Variants in SLC35B3 observed in about 807,000 individuals in gnomAD.
SLC35B3 encodes the protein adenosine 3'-phospho 5'-phosphosulfate transporter 2.
Under a neutral mutation model 44.1 loss-of-function variants are expected in SLC35B3, and 35 were observed. The ratio of observed to expected loss-of-function variants is 0.79; its 90% CI spans 0.61 to 1.05. The LOEUF (loss-of-function observed/expected upper bound fraction) is 1.05. Among genes scored for constraint, SLC35B3 ranks in the 50% least tolerant of loss-of-function variants. The probability of loss-of-function intolerance (pLI) is 0.00; values close to 1 mark genes in which losing one functional copy is unlikely to be tolerated. For missense variants in SLC35B3, 414 were observed against 476.4 expected (o/e 0.87, Z 1.22); for synonymous variants, 146 against 167.3 (o/e 0.87, Z 0.98).
Position 8,434,293 on chromosome 6 carries a change from GAA to G in SLC35B3, c.3+90_3+91del. 1 of 1,236,790 alleles carries G rather than the reference GAA, an allele frequency of 8.1e-7. No homozygotes were observed. The highest frequency in any genetic ancestry group is 1.9e-5 in the Admixed American group (1 of 53,598). The allele number at this position is 1,236,790 out of a possible 1,614,324, so 76.6% of individuals were successfully genotyped here. A position where few individuals can be genotyped will look rare whatever the true frequency, so the allele number is the denominator to read the frequency against. On this transcript the variant is annotated intron_variant, in intron 2 of 10. Transcript: ENST00000644923. This position sits in a 1 kb window ranked among gnomAD's most constrained non-coding sequence, Gnocchi z 6.3. ...CCCACACCAAAAAAAGGTAGAATAT[GAA>G]AAAAAAGTCATTACGGTGTCATTAA...
intron 9 of SLC35B3, among the ~76,000 whole-genome samples, chr6:8,415,280 A>C (rs2113249000): frequency 6.6e-6 from 1 of 152,342 alleles, no homozygotes; most frequent in Non-Finnish European, 1.5e-5. Flanking sequence ...TTTAAGTCTT[A>C]GAGAAAGGCT....
chr6:8,429,102 C>T (rs1763717805), intron 3 of SLC35B3, among the ~76,000 whole-genome samples: 1 of 152,026 alleles, frequency 6.6e-6, no homozygotes, highest in Admixed American at 6.6e-5. Context: ...ATTTTCCTTT[C>T]CTTGAATTAC....
chr6:8,425,725 A>G (rs1763349520), intron 4 of SLC35B3, among the ~76,000 whole-genome samples: 1 of 152,208 alleles, frequency 6.6e-6, no homozygotes, highest in Non-Finnish European at 1.5e-5. Flanking sequence ...CTAAAGGATT[A>G]AACATTTGTA....
chr6:8,423,641 TTTTA>T (rs1470544069), intron 4 of SLC35B3, among the ~76,000 whole-genome samples: 3 of 152,204 alleles, frequency 2.0e-5, no homozygotes, highest in Non-Finnish European at 4.4e-5. Context: ...GTAATTTCCA[TTTTA>T]GAATTTGTGT....
chr6:8,421,212 C>G (rs548414902), intron 5 of SLC35B3, among the ~76,000 whole-genome samples: 1 of 152,202 alleles, frequency 6.6e-6, no homozygotes, highest in East Asian at 1.9e-4. Flanking sequence ...TACGAAGTAA[C>G]CAGATTAATG....
At chr6:8,424,283 G>T (rs993734172) in intron 4 of SLC35B3, among the ~76,000 whole-genome samples, 1 of 151,950 alleles carries the variant, frequency 6.6e-6, no homozygotes, top group Non-Finnish European at 1.5e-5. Flanking sequence ...ACGGAGTCTC[G>T]CTCTTGTTGC....
chr6:8,415,061 C>A, intron 9 of SLC35B3, 84 bp from the exon 9 acceptor site: 1 of 872,820 alleles, frequency 1.1e-6, no homozygotes, highest in Non-Finnish European at 1.8e-6. Context: ...ATATTTAGAC[C>A]TGACTATATG....
intron 2 of SLC35B3, among the ~76,000 whole-genome samples, chr6:8,430,653 A>C (rs1009088148): frequency 6.6e-6 from 1 of 152,100 alleles, no homozygotes; most frequent in African/African-American, 2.4e-5. Context: ...GCTGAAGCAG[A>C]GAGGTTGCTT....
chr6:8,428,359 G>A (rs1444573766), intron 3 of SLC35B3, among the ~76,000 whole-genome samples: 1 of 152,086 alleles, frequency 6.6e-6, no homozygotes, highest in Admixed American at 6.5e-5. Flanking sequence ...GTCACTAAGA[G>A]TTATTCTAAT....
chr6:8,420,705 T>C lies in SLC35B3; in HGVS notation c.682+16A>G. ...AAAAAGCCTATAAAAGCTAGGAATA[T>C]AAATAAATTACTTACCCGTCAGGTT... On this transcript the variant is annotated intron_variant, in intron 6 of 10. Coordinates refer to ENST00000644923, the MANE Select transcript of SLC35B3 (RefSeq NM_001370476.2). This position sits in a 1 kb window ranked among gnomAD's most constrained non-coding sequence, Gnocchi z 4.4. 1 of 1,581,404 alleles carries C rather than the reference T, an allele frequency of 6.3e-7. No homozygotes were observed. Among genetic ancestry groups the C allele is most frequent in the Non-Finnish European group, 8.7e-7 (1 of 1,155,486 alleles).
chr6:8,414,087 G>A (rs1762198721), intron 10 of SLC35B3, among the ~76,000 whole-genome samples: 1 of 152,128 alleles, frequency 6.6e-6, no homozygotes, highest in African/African-American at 2.4e-5. Context: ...CGTTGTCTCA[G>A]TTGGGTAGAA....
intron 4 of SLC35B3, 129 bp downstream of exon 3, chr6:8,427,808 G>T: frequency 1.5e-6 from 1 of 678,024 alleles, no homozygotes; most frequent in African/African-American, 1.9e-5. Context: ...TTAGTATTAA[G>T]TTAGTTACAC....
At position 8,420,754 on chromosome 6, in the gene SLC35B3, C is replaced by G; in HGVS notation, c.649G>C (p.Asp217His). The change falls in exon 6 of 11, where the codon GAC becomes CAC. Residue 217 changes from aspartate to histidine, a missense_variant. Physicochemically the swap from Asp to His is moderately conservative, Grantham distance 81. Coordinates refer to ENST00000644923, the MANE Select transcript of SLC35B3 (RefSeq NM_001370476.2). This position sits in a 1 kb window ranked among gnomAD's most constrained non-coding sequence, Gnocchi z 4.4. ...TTGAAATTTGGTGCAGTTGTGCTGT[C>G]AGCGAGGGTAAACCATATCAGGCCA... 1 of 1,613,284 alleles carries G rather than the reference C, an allele frequency of 6.2e-7. No homozygotes were observed. The highest frequency in any genetic ancestry group is 8.5e-7 in the Non-Finnish European group (1 of 1,179,404).
intron 4 of SLC35B3, among the ~76,000 whole-genome samples, chr6:8,424,539 C>T (rs897534427): frequency 2.0e-5 from 3 of 152,118 alleles, no homozygotes; most frequent in Non-Finnish European, 2.9e-5. Context: ...GGATTACAGG[C>T]GTGAGCCACT....
chr6:8,422,033 C>T (rs1762938265), intron 5 of SLC35B3, among the ~76,000 whole-genome samples: 1 of 152,150 alleles, frequency 6.6e-6, no homozygotes, highest in Non-Finnish European at 1.5e-5. Context: ...GAGATGGAGT[C>T]TCGCTCTGTC....
Position 8,434,410 on chromosome 6 carries a change from C to G in SLC35B3, c.-23G>C. 6.2e-7 allele frequency: 1 copy of G among 1,612,210 alleles called. No individual in the cohort carries two copies. Among genetic ancestry groups the G allele is most frequent in the Non-Finnish European group, 8.5e-7 (1 of 1,178,926 alleles). On this transcript the variant is annotated 5_prime_UTR_variant, in exon 2 of 11. Coordinates refer to ENST00000644923, the MANE Select transcript of SLC35B3 (RefSeq NM_001370476.2). The surrounding 1 kb of genome is among the most constrained non-coding windows in gnomAD (Gnocchi z 6.3). Reference sequence around the variant, plus strand: ...CATGCCATTATGCCTTGATTAACTGCGCTCCGGAATCAATCATGGCCTATG... The same window carrying G: ...CATGCCATTATGCCTTGATTAACTGGGCTCCGGAATCAATCATGGCCTATG...
intron 3 of SLC35B3, 142 bp downstream of exon 2, chr6:8,429,722 T>C: frequency 1.8e-6 from 1 of 550,368 alleles, no homozygotes; most frequent in Non-Finnish European, 3.0e-6. Flanking sequence ...AAGAAGCTCT[T>C]TTCTACTCTA....
rs909617402 is a variant in SLC35B3, at chr6:8,413,317, T to C, written c.*232A>G. Reference sequence around the variant, plus strand: ...CTGCTAGGAATTACAGTCCTTCATATTGACATTTTATTGTAAAGTCTGCTA... The same window carrying C: ...CTGCTAGGAATTACAGTCCTTCATACTGACATTTTATTGTAAAGTCTGCTA... On this transcript the variant is annotated 3_prime_UTR_variant, in exon 11 of 11. Transcript: ENST00000644923. 2.2e-5 allele frequency: 9 copies of C among 408,808 alleles called. No homozygotes were observed. Among genetic ancestry groups the C allele is most frequent in the Admixed American group, 4.4e-5 (1 of 22,728 alleles). The allele number at this position is 408,808 out of a possible 1,614,324, so 25.3% of individuals were successfully genotyped here. A position where few individuals can be genotyped will look rare whatever the true frequency, so the allele number is the denominator to read the frequency against.
Position 8,419,579 on chromosome 6 carries a change from C to A in SLC35B3, c.780+1G>T. 1 of 1,478,512 alleles carries A rather than the reference C, an allele frequency of 6.8e-7. No individual in the cohort carries two copies. Among genetic ancestry groups the A allele is most frequent in the Non-Finnish European group, 9.2e-7 (1 of 1,083,738 alleles). The allele number at this position is 1,478,512 out of a possible 1,614,324, so 91.6% of individuals were successfully genotyped here. A position where few individuals can be genotyped will look rare whatever the true frequency, so the allele number is the denominator to read the frequency against. On this transcript the variant is annotated splice_donor_variant, in intron 7 of 10. Coordinates refer to ENST00000644923, the MANE Select transcript of SLC35B3 (RefSeq NM_001370476.2). LOFTEE classifies it high-confidence loss of function. The surrounding 1 kb of genome is among the most constrained non-coding windows in gnomAD (Gnocchi z 4.3). ...TGAAGAAAAAACACTAGAGTATTTACCATTTCAGAATTAGAAGCATTATGA... is the reference window on the plus strand; with the variant it reads ...TGAAGAAAAAACACTAGAGTATTTAACATTTCAGAATTAGAAGCATTATGA...
Sources: allele counts gnomAD v4.1 joint callset (sites outside exome capture counted in the v4.1 genomes callset), GRCh38; gene constraint gnomAD v4.1.1; non-coding constraint Gnocchi (gnomAD v3.1); transcripts MANE v1.5; gene names NCBI Gene and HGNC (gene_info 2026-07-23, HGNC 2026-07-21).